The following RSPO4 variants were observed in gnomAD, a reference collection of about 807,000 sequenced individuals.
RSPO4 encodes R-spondin 4, also known as R-spondin-4.
In RSPO4, 23 loss-of-function variants were observed where a neutral mutation model predicts 24.8. The observed-to-expected ratio is 0.93, with a 90% CI of 0.67 to 1.31. The LOEUF is 1.31. Ranked by LOEUF, RSPO4 falls within the 40% of genes most tolerant of loss-of-function variation. RSPO4 has a pLI of 0.00. For synonymous variants in RSPO4, 141 were observed against 127.4 expected (o/e 1.11, Z -0.72); for missense variants, 333 against 316.5 (o/e 1.05, Z -0.39).
chr20:1,000,055 G>A (rs987742169), intron 1 of RSPO4, among the ~76,000 whole-genome samples: 3 of 152,066 alleles, frequency 2.0e-5, no homozygotes, highest in African/African-American at 7.2e-5. Flanking sequence ...TTTTAGTAAA[G>A]ACAGGGTTTC....
rs1478037200 is a variant in RSPO4, at chr20:960,361, G to T, written c.701C>A (p.Pro234His). Reference protein sequence around the residue: ...DVRPRQPGLQP With the variant: ...DVRPRQPGLQH ...GAGAGTCGGGAGAGCCGGCGGTCAG[G>T]GCTGCAGGCCGGGCTGGCGCGGCCT... Residue 234 changes from proline to histidine, a missense_variant, in exon 5 of 5, where the codon CCC (proline) becomes CAC (histidine). Transcript: ENST00000217260. The T allele has an allele frequency of 6.5e-7, 1 of 1,536,068 alleles. No homozygotes were observed. Among genetic ancestry groups the T allele is most frequent in the Non-Finnish European group, 8.7e-7 (1 of 1,146,246 alleles).
At chr20:993,972 C>T (rs957171158) in intron 1 of RSPO4, among the ~76,000 whole-genome samples, 5 of 152,178 alleles carry the variant, frequency 3.3e-5, no homozygotes, top group Non-Finnish European at 7.3e-5. Context: ...AGTTACTTAA[C>T]CTTCCTGTGC....
intron 1 of RSPO4, among the ~76,000 whole-genome samples, chr20:1,001,807 C>A (rs1985473212): frequency 6.6e-6 from 1 of 152,176 alleles, no homozygotes; most frequent in African/African-American, 2.4e-5. Context: ...ACGAAGCCAT[C>A]CTCCTTTCTG....
intron 1 of RSPO4, among the ~76,000 whole-genome samples, chr20:982,278 C>T (rs1420790892): frequency 6.6e-6 from 1 of 152,196 alleles, no homozygotes. Flanking sequence ...ACCAACCAAT[C>T]TGTCCGTGGA....
At chr20:998,415 T>A (rs1985362203) in intron 1 of RSPO4, among the ~76,000 whole-genome samples, 1 of 152,236 alleles carries the variant, frequency 6.6e-6, no homozygotes. Context: ...ACTTCATTAA[T>A]CAACATGCTG....
At chr20:968,871 G>A (rs968521523) in intron 1 of RSPO4, among the ~76,000 whole-genome samples, 2 of 152,190 alleles carry the variant, frequency 1.3e-5, no homozygotes, top group African/African-American at 4.8e-5. Context: ...TGGCACCCAG[G>A]AGCCAAAGCT....
chr20:962,486 C>G (rs1203453199), intron 4 of RSPO4, among the ~76,000 whole-genome samples: 1 of 152,204 alleles, frequency 6.6e-6, no homozygotes, highest in East Asian at 1.9e-4. Context: ...CATTCACCCC[C>G]AGCTCTTGGA....
intron 1 of RSPO4, among the ~76,000 whole-genome samples, chr20:988,120 C>T (rs868603201): frequency 1.3e-5 from 2 of 152,292 alleles, no homozygotes; most frequent in East Asian, 1.9e-4. Context: ...CGGCAAAGAA[C>T]GTGGTGTGGA....
chr20:1,000,521 T>C (rs1359987137), intron 1 of RSPO4, among the ~76,000 whole-genome samples: 1 of 152,174 alleles, frequency 6.6e-6, no homozygotes, highest in Non-Finnish European at 1.5e-5. Flanking sequence ...AAGTAAAAGA[T>C]GGGTTGATGA....
chr20:992,021 G>A (rs1356948222), intron 1 of RSPO4, among the ~76,000 whole-genome samples: 1 of 135,388 alleles, frequency 7.4e-6, no homozygotes, highest in Non-Finnish European at 1.7e-5. Flanking sequence ...GGGTGGTGTA[G>A]GGAGTGAGAG....
At position 1,002,249 on chromosome 20, in the gene RSPO4, G is replaced by C. The variant is rs6056520; in HGVS notation, c.-85C>G. The C allele has an allele frequency of 5.4e-6, 5 of 925,232 alleles. No individual in the cohort carries two copies. Among genetic ancestry groups the C allele is most frequent in the Non-Finnish European group, 2.8e-6 (2 of 713,860 alleles). 57.3% of individuals were successfully genotyped at this position (925,232 alleles called of 1,614,324 possible). On this transcript the variant is annotated 5_prime_UTR_variant, in exon 1 of 5. Coordinates refer to ENST00000217260, the MANE Select transcript of RSPO4 (RefSeq NM_001029871.4). This position sits in a 1 kb window ranked among gnomAD's most constrained non-coding sequence, Gnocchi z 4.6. ...GTCCCGGCGGCGGCACGGCGGGCGC[G>C]GGGGCTGCTGTGGGCGCGCCGGGCG...
Position 959,135 on chromosome 20 carries a change from T to TGGTGGGTGTGGGGGAGTGTGGG in RSPO4, c.*1221_*1222insCCCACACTCCCCCACACCCACC, listed in dbSNP as rs1983897990. ...TGGTGGTGGGTGTGGGGCAGTGTGGTGGTGGGTGTGGGCGAGTGCGGTGAT... is the reference window on the plus strand; with the variant it reads ...TGGTGGTGGGTGTGGGGCAGTGTGGTGGTGGGTGTGGGGGAGTGTGGGGGTGGGTGTGGGCGAGTGCGGTGAT... On this transcript the variant is annotated 3_prime_UTR_variant, in exon 5 of 5. Coordinates refer to ENST00000217260, the MANE Select transcript of RSPO4 (RefSeq NM_001029871.4). The TGGTGGGTGTGGGGGAGTGTGGG allele has an allele frequency of 1.5e-5, 1 of 68,572 alleles. No homozygotes were observed. Among genetic ancestry groups the TGGTGGGTGTGGGGGAGTGTGGG allele is most frequent in the African/African-American group, 6.7e-5 (1 of 14,850 alleles). The allele number at this position is 68,572 out of a possible 1,614,324, so 4.2% of individuals were successfully genotyped here. A position where few individuals can be genotyped will look rare whatever the true frequency, so the allele number is the denominator to read the frequency against.
At chr20:985,434 C>G (rs1984889472) in intron 1 of RSPO4, among the ~76,000 whole-genome samples, 1 of 152,180 alleles carries the variant, frequency 6.6e-6, no homozygotes, top group African/African-American at 2.4e-5. Flanking sequence ...AAATCACAGA[C>G]CTGTAGAAAC....
chr20:995,031 T>C (rs1463431468), intron 1 of RSPO4, among the ~76,000 whole-genome samples: 4 of 152,190 alleles, frequency 2.6e-5, no homozygotes, highest in African/African-American at 9.6e-5. Context: ...TCACCGCTAG[T>C]CTCCTGAACC....
At chr20:1,001,875 C>G (rs1262967203) in intron 1 of RSPO4, among the ~76,000 whole-genome samples, 1 of 152,172 alleles carries the variant, frequency 6.6e-6, no homozygotes, top group African/African-American at 2.4e-5. Context: ...GGTGAGTCTC[C>G]TTGGCCCACC....
intron 2 of RSPO4, 111 bp downstream of exon 2, chr20:967,839 T>G: frequency 1.8e-6 from 2 of 1,127,694 alleles, no homozygotes; most frequent in Non-Finnish European, 2.7e-6. Flanking sequence ...GAGTCTGGGC[T>G]TAGACATGCA....
At chr20:964,235 C>T in intron 3 of RSPO4, 115 bp from the exon 4 acceptor site, 1 of 734,284 alleles carries the variant, frequency 1.4e-6, no homozygotes, top group Non-Finnish European at 2.2e-6. Context: ...ACTGAAGACA[C>T]CACTTCCACC....
Position 981,041 on chromosome 20 carries a change from G to A in RSPO4, c.80-12903C>T, listed in dbSNP as rs1020795788. ...GAGAACTCACTTTAAGAAGCGAGGCGGGAGATGCTGTTATCATTCCTCATT... is the reference window on the plus strand; with the variant it reads ...GAGAACTCACTTTAAGAAGCGAGGCAGGAGATGCTGTTATCATTCCTCATT... On this transcript the variant is annotated intron_variant, in intron 1 of 4. Transcript: ENST00000217260. The surrounding 1 kb of genome is among the most constrained non-coding windows in gnomAD (Gnocchi z 4.6). Among the ~76,000 whole-genome samples the A allele has an allele frequency of 1.3e-5, 2 of 152,298 alleles. No individual in the cohort carries two copies. The highest frequency in any genetic ancestry group is 2.1e-4 in the South Asian group (1 of 4,828).
intron 2 of RSPO4, among the ~76,000 whole-genome samples, chr20:967,677 T>C (rs1316077176): frequency 1.3e-5 from 2 of 152,254 alleles, no homozygotes; most frequent in African/African-American, 2.4e-5. Flanking sequence ...CTATTTGAGC[T>C]AAGACCAGAG....
Sources: gnomAD v4.1 joint callset for allele counts (sites outside exome capture counted in the v4.1 genomes callset) on GRCh38, gnomAD v4.1.1 for gene constraint, Gnocchi (gnomAD v3.1) non-coding constraint, MANE v1.5 for transcripts, NCBI Gene and HGNC (gene_info 2026-07-23, HGNC 2026-07-21) for gene names.